Variants in LRRC4C observed in about 807,000 individuals in gnomAD.
LRRC4C encodes the protein leucine rich repeat containing 4C.
Under a neutral mutation model 33.6 loss-of-function variants are expected in LRRC4C, and 5 were observed. The observed-to-expected ratio is 0.15, with a 90% confidence interval of 0.08 to 0.31. The LOEUF (loss-of-function observed/expected upper bound fraction) is 0.31, where lower values mean the gene tolerates loss of function less well. Ranked by LOEUF, LRRC4C falls within the 10% of genes least tolerant of loss-of-function variation. The pLI, the probability that LRRC4C is intolerant of heterozygous loss-of-function variation, is 1.00. For missense variants in LRRC4C, 560 were observed against 796.7 expected (o/e 0.70, Z 3.58); for synonymous variants, 329 against 302.0 (o/e 1.09, Z -0.93).
At chr11:40,957,455 A>G (rs1194497188) in intron 1 of LRRC4C, among the ~76,000 whole-genome samples, 1 of 151,574 alleles carries the variant, frequency 6.6e-6, no homozygotes. Context: ...TCCATCACCC[A>G]CTGTCTCCCT....
At chr11:41,127,941 C>A (rs1168324000) in intron 1 of LRRC4C, among the ~76,000 whole-genome samples, 2 of 152,114 alleles carry the variant, frequency 1.3e-5, no homozygotes, top group Non-Finnish European at 2.9e-5. Flanking sequence ...CTGCCTCCTA[C>A]ATACTTCCAT....
At position 41,012,717 on chromosome 11, in the gene LRRC4C, C is replaced by CT. The variant is rs557023209; in HGVS notation, c.-495-78995dup. On this transcript the variant is annotated intron_variant, in intron 1 of 6. Transcript: ENST00000528697. ...ATTTTCACCATAGTGTATGAGTGTT[C>CT]TTTTTTCTCTACATTCTCACCAGTA... is the stretch of plus-strand genomic sequence containing the variant. Among the ~76,000 whole-genome samples, 176 of 152,172 alleles carry CT rather than the reference C, an allele frequency of 1.2e-3. 1 individual carries two copies. The highest frequency in any genetic ancestry group is 0.01 in the Middle Eastern group (3 of 294).
intron 3 of LRRC4C, among the ~76,000 whole-genome samples, chr11:40,630,399 T>C (rs1963382478): frequency 7.5e-6 from 1 of 132,924 alleles, no homozygotes; most frequent in African/African-American, 2.8e-5. Flanking sequence ...CTTTTCTTCC[T>C]CTTCCTATTC....
intron 1 of LRRC4C, among the ~76,000 whole-genome samples, chr11:40,971,137 C>A (rs533127917): frequency 2.6e-5 from 4 of 152,312 alleles, no homozygotes; most frequent in African/African-American, 9.6e-5. Context: ...CAGAAATTCA[C>A]ATAAGTAAAG....
At chr11:40,734,298 T>C (rs61887978) in intron 2 of LRRC4C, among the ~76,000 whole-genome samples, 4,091 of 152,298 alleles carry the variant, frequency 0.027, 79 homozygotes, top group Middle Eastern at 0.041. Flanking sequence ...GACAATATTG[T>C]ATAGAATGCT....
chr11:41,273,963 T>C lies in LRRC4C; in HGVS notation c.-496+185468A>G, dbSNP rs1243328211. ...AAGGAGAAACGGAGTGATGTTAAGG[T>C]GACAATAAATGTTTGAACAGAGATC... is the stretch of plus-strand genomic sequence containing the variant. On this transcript the variant is annotated intron_variant, in intron 1 of 6. Transcript: ENST00000528697. 2.6e-5 allele frequency among the ~76,000 whole-genome samples: 4 copies of C among 152,204 alleles called. No homozygotes were observed. In the East Asian group the frequency reaches 7.7e-4, roughly 29 times the overall value.
intron 1 of LRRC4C, among the ~76,000 whole-genome samples, chr11:41,214,597 A>AG (rs1278422867): frequency 5.5e-5 from 8 of 144,958 alleles, no homozygotes; most frequent in Non-Finnish European, 1.2e-4. Context: ...AAAAAAAAAA[A>AG]AAATTAGCCG....
At position 40,268,213 on chromosome 11, in the gene LRRC4C, T is replaced by C. The variant is rs11035757; in HGVS notation, c.-175-26615A>G. On this transcript the variant is annotated intron_variant, in intron 4 of 6. Transcript: ENST00000528697. Reference sequence around the variant, plus strand: ...AGGTCCTTGAAATACAAAATGTGCTTTCTAGTTGGTTGTTGACTTGTCAAA... The same window carrying C: ...AGGTCCTTGAAATACAAAATGTGCTCTCTAGTTGGTTGTTGACTTGTCAAA... Among the ~76,000 whole-genome samples, 12 of 152,338 alleles carry C rather than the reference T, an allele frequency of 7.9e-5. No homozygotes were observed. In the East Asian group the frequency reaches 1.4e-3, roughly 17 times the overall value.
intron 3 of LRRC4C, among the ~76,000 whole-genome samples, chr11:40,623,808 T>C (rs776260155): frequency 3.3e-5 from 5 of 152,058 alleles, no homozygotes; most frequent in Non-Finnish European, 7.4e-5. Flanking sequence ...CCTTAAGCGA[T>C]TCTGTTTTCC....
At chr11:40,408,736 T>A (rs900336040) in intron 3 of LRRC4C, among the ~76,000 whole-genome samples, 1 of 151,878 alleles carries the variant, frequency 6.6e-6, no homozygotes, top group Non-Finnish European at 1.5e-5. Context: ...TAAATGTCCA[T>A]GAAAACTATA....
At chr11:41,174,746 T>C (rs1945122485) in intron 1 of LRRC4C, among the ~76,000 whole-genome samples, 1 of 152,112 alleles carries the variant, frequency 6.6e-6, no homozygotes, top group Non-Finnish European at 1.5e-5. Context: ...TGTTTATACC[T>C]TTGGCTCAGA....
chr11:40,420,247 A>T (rs1405646362), intron 3 of LRRC4C, among the ~76,000 whole-genome samples: 1 of 152,160 alleles, frequency 6.6e-6, no homozygotes, highest in East Asian at 1.9e-4. Context: ...CGATCACCAC[A>T]ATTGTACTGA....
At chr11:40,865,947 GA>G (rs1311070885) in intron 2 of LRRC4C, among the ~76,000 whole-genome samples, 21 of 151,762 alleles carry the variant, frequency 1.4e-4, no homozygotes, top group African/African-American at 3.9e-4. Context: ...AAAATCTGTA[GA>G]TTTTTTTAAT....
chr11:40,624,626 C>T (rs550085255), intron 3 of LRRC4C, among the ~76,000 whole-genome samples: 2 of 152,208 alleles, frequency 1.3e-5, no homozygotes, highest in African/African-American at 4.8e-5. Flanking sequence ...AGGCTGATTG[C>T]TTTTGTCAGC....
At chr11:40,406,568 T>A (rs1360255169) in intron 3 of LRRC4C, among the ~76,000 whole-genome samples, 1 of 152,048 alleles carries the variant, frequency 6.6e-6, no homozygotes, top group Non-Finnish European at 1.5e-5. Flanking sequence ...TAGAAGAAAA[T>A]ACATTTTAAA....
intron 1 of LRRC4C, among the ~76,000 whole-genome samples, chr11:41,157,000 C>G (rs1478505233): frequency 1.3e-5 from 2 of 152,026 alleles, no homozygotes; most frequent in Non-Finnish European, 2.9e-5. Context: ...TGTTTGCTGT[C>G]TTCTGCTCTT....
At chr11:41,408,064 C>T (rs1024407380) in intron 1 of LRRC4C, among the ~76,000 whole-genome samples, 2 of 152,040 alleles carry the variant, frequency 1.3e-5, no homozygotes, top group African/African-American at 4.8e-5. Flanking sequence ...AATCCCCTAA[C>T]CAGTATTATT....
intron 1 of LRRC4C, among the ~76,000 whole-genome samples, chr11:40,970,703 C>T (rs1188730065): frequency 6.6e-6 from 1 of 152,230 alleles, no homozygotes; most frequent in Middle Eastern, 3.4e-3. Context: ...CTTGAAACTA[C>T]CTAGAGCCTT....
chr11:40,120,360 A>C, intron 6 of LRRC4C, among the ~76,000 whole-genome samples: 1 of 152,164 alleles, frequency 6.6e-6, no homozygotes, highest in East Asian at 1.9e-4. Flanking sequence ...CTCCTTGTAA[A>C]TTTAAATATG....
Sources: allele counts gnomAD v4.1 joint callset (sites outside exome capture counted in the v4.1 genomes callset), GRCh38; gene constraint gnomAD v4.1.1; transcripts MANE v1.5; gene names NCBI Gene and HGNC (gene_info 2026-07-23, HGNC 2026-07-21).